UBE2D3: variants seen among roughly 807,000 people sequenced by gnomAD.
The protein encoded by UBE2D3 is ubiquitin-conjugating enzyme E2 D3.
Under a neutral mutation model 22.8 loss-of-function variants are expected in UBE2D3, and 2 were observed. The ratio of observed to expected loss-of-function variants is 0.09; its 90% CI spans 0.04 to 0.28. The LOEUF (loss-of-function observed/expected upper bound fraction) is 0.28, where lower values mean the gene tolerates loss of function less well. Ranked by LOEUF, UBE2D3 falls within the 10% of genes least tolerant of loss-of-function variation. UBE2D3 has a pLI of 1.00. For missense variants in UBE2D3, 27 were observed against 182.5 expected, an observed-to-expected ratio of 0.15 and a Z score of 4.91; for synonymous variants, 56 against 60.4, an observed-to-expected ratio of 0.93 and a Z score of 0.34.
chr4:102,841,365 G>T (rs753429336), intron 1 of UBE2D3, among the ~76,000 whole-genome samples: 10 of 151,986 alleles, frequency 6.6e-5, no homozygotes, highest in Non-Finnish European at 1.2e-4. Context: ...TGAACATCTT[G>T]ACTATTTAAA....
At chr4:102,805,797 T>C (rs58365868) in intron 4 of UBE2D3, among the ~76,000 whole-genome samples, 4,165 of 152,158 alleles carry the variant, frequency 0.027, 80 homozygotes, top group Middle Eastern at 0.065. Flanking sequence ...TGGATATCTC[T>C]ACTTGGATAT....
At chr4:102,806,573 C>T (rs1024241221) in intron 4 of UBE2D3, among the ~76,000 whole-genome samples, 1 of 151,960 alleles carries the variant, frequency 6.6e-6, no homozygotes. Flanking sequence ...TATTTTAATT[C>T]AGATAGTTTT....
chr4:102,861,800 A>C (rs753424798), intron 1 of UBE2D3, among the ~76,000 whole-genome samples: 2 of 152,160 alleles, frequency 1.3e-5, no homozygotes, highest in African/African-American at 4.8e-5. Context: ...TTGTAACCAT[A>C]ATCTTTTGTC....
At position 102,794,582 on chromosome 4, in the gene UBE2D3, A is replaced by AC. The variant is rs1417192488; in HGVS notation, c.*2832dup. On this transcript the variant is annotated 3_prime_UTR_variant, in exon 8 of 8. Transcript: ENST00000453744. ...TGCCAACACAAAACATGGCTGAGTT[A>AC]CCCCCCTCCCCGCCCAAATTACTAA... 1 of 150,858 alleles carries AC rather than the reference A, an allele frequency of 6.6e-6. No individual in the cohort carries two copies. The highest frequency in any genetic ancestry group is 1.5e-5 in the Non-Finnish European group (1 of 67,692). 9.3% of individuals were successfully genotyped at this position (150,858 alleles called of 1,614,324 possible). A position where few individuals can be genotyped will look rare whatever the true frequency, so the allele number is the denominator to read the frequency against.
Position 102,861,039 on chromosome 4 carries a change from G to T in UBE2D3, c.-129+7676C>A, listed in dbSNP as rs190860490. ...TTCCTAGACTATTCATCTGTGAAGAGTCCCTCAGTATTCTGGATAGGGAAA... is the reference window on the plus strand; with the variant it reads ...TTCCTAGACTATTCATCTGTGAAGATTCCCTCAGTATTCTGGATAGGGAAA... On this transcript the variant is annotated intron_variant, in intron 1 of 7. Transcript: ENST00000338145. 6.6e-5 allele frequency among the ~76,000 whole-genome samples: 10 copies of T among 152,058 alleles called. No individual in the cohort carries two copies. In the East Asian group the frequency reaches 1.9e-3, roughly 29 times the overall value.
chr4:102,827,715 C>A, upstream of UBE2D3: 2 of 928,864 alleles, frequency 2.2e-6, no homozygotes, highest in Non-Finnish European at 2.5e-6. Context: ...AAGCCCTTTT[C>A]CTTCTTCTCG....
chr4:102,799,790 C>T lies in UBE2D3; in HGVS notation c.305-290G>A, dbSNP rs573518452. On this transcript the variant is annotated intron_variant, in intron 6 of 7. Coordinates refer to ENST00000453744, the MANE Select transcript of UBE2D3 (RefSeq NM_181891.3). ...TATTAATATATATATTTTAAATAGGCATAAATGATATTAGAACTTGAGTTT... is the reference window on the plus strand; with the variant it reads ...TATTAATATATATATTTTAAATAGGTATAAATGATATTAGAACTTGAGTTT... Among the ~76,000 whole-genome samples the T allele has an allele frequency of 1.2e-4, 16 of 135,890 alleles. No homozygotes were observed. In the East Asian group the frequency reaches 3.4e-3, roughly 29 times the overall value. 89.1% of individuals were successfully genotyped at this position (135,890 alleles called of 152,430 possible).
intron 1 of UBE2D3, among the ~76,000 whole-genome samples, chr4:102,835,447 T>C (rs184965845): frequency 2.2e-4 from 34 of 152,282 alleles, no homozygotes; most frequent in Admixed American, 2.2e-3. Context: ...TACTGGAGGA[T>C]GACTATAATA....
chr4:102,827,120 T>C (rs1163233189), intron 1 of UBE2D3: 5 of 985,806 alleles, frequency 5.1e-6, no homozygotes, highest in Non-Finnish European at 6.0e-6. Flanking sequence ...AGCGAGCTAT[T>C]CTGTGTCACC....
At chr4:102,814,251 C>CTT (rs1225050626) in intron 2 of UBE2D3, among the ~76,000 whole-genome samples, 3 of 140,012 alleles carry the variant, frequency 2.1e-5, no homozygotes, top group East Asian at 2.1e-4. Context: ...ATTTCAGAAG[C>CTT]TTTTTTTTTT....
At chr4:102,810,078 C>T (rs1230492194) in intron 2 of UBE2D3, 6 of 475,918 alleles carry the variant, frequency 1.3e-5, no homozygotes, top group African/African-American at 4.0e-5. Context: ...CACATTGATA[C>T]AAAATTTTTT....
At chr4:102,810,849 C>T (rs1051402947) in intron 2 of UBE2D3, 6 of 151,280 alleles carry the variant, frequency 4.0e-5, no homozygotes, top group Non-Finnish European at 5.9e-5. Context: ...GTCTAATAAT[C>T]ACAAGTTAAA....
rs199773574 is a variant in UBE2D3, at chr4:102,804,736, C to T, written c.121-2098G>A. ...TCGCCCAGACTGGAGTGCAGTGGCA[C>T]GATCTTGGCTCACTGCAACCCTCTG... On this transcript the variant is annotated intron_variant, in intron 4 of 7. Coordinates refer to ENST00000453744, the MANE Select transcript of UBE2D3 (RefSeq NM_181891.3). Among the ~76,000 whole-genome samples the T allele has an allele frequency of 7.9e-5, 12 of 152,154 alleles. No individual in the cohort carries two copies. The East Asian group carries it at 2.1e-3, about 27-fold the overall frequency.
At chr4:102,867,688 A>G (rs566989345) in intron 1 of UBE2D3, among the ~76,000 whole-genome samples, 2 of 152,312 alleles carry the variant, frequency 1.3e-5, no homozygotes, top group South Asian at 4.1e-4. Context: ...AAACCCAGCT[A>G]CTTGGAAGGC....
intron 2 of UBE2D3, among the ~76,000 whole-genome samples, chr4:102,813,326 G>A (rs781074928): frequency 5.9e-5 from 9 of 152,150 alleles, no homozygotes; most frequent in Non-Finnish European, 1.2e-4. Context: ...AGCTGGAGTT[G>A]CAGGTACGCA....
At chr4:102,848,818 C>G (rs2023678424) in intron 1 of UBE2D3, among the ~76,000 whole-genome samples, 1 of 150,246 alleles carries the variant, frequency 6.7e-6, no homozygotes, top group Admixed American at 6.6e-5. Context: ...GACCTTGTCT[C>G]AAAAAAAAGT....
chr4:102,828,256 A>C (rs1389597658), upstream of UBE2D3: 8 of 985,216 alleles, frequency 8.1e-6, no homozygotes, highest in Admixed American at 4.9e-4. Context: ...GGTGCCAAGG[A>C]TTAATTACCA....
At chr4:102,807,138 G>C (rs1052624186) in intron 4 of UBE2D3, among the ~76,000 whole-genome samples, 2 of 152,178 alleles carry the variant, frequency 1.3e-5, no homozygotes, top group South Asian at 2.1e-4. Context: ...CTAAGTAGTA[G>C]TCCAAAGCAA....
intron 1 of UBE2D3, among the ~76,000 whole-genome samples, chr4:102,836,714 G>A (rs1445410084): frequency 6.6e-6 from 1 of 152,166 alleles, no homozygotes; most frequent in African/African-American, 2.4e-5. Context: ...CATTGTAATA[G>A]GTGTGTAGTG....
Sources: gnomAD v4.1 joint callset for allele counts (sites outside exome capture counted in the v4.1 genomes callset) on GRCh38, gnomAD v4.1.1 for gene constraint, MANE v1.5 for transcripts, NCBI Gene and HGNC (gene_info 2026-07-23, HGNC 2026-07-21) for gene names.